USP15: variants seen among roughly 807,000 people sequenced by gnomAD.
USP15 encodes the protein ubiquitin specific peptidase 15.
In USP15, 18 loss-of-function variants were observed where a neutral mutation model predicts 127.1. The ratio of observed to expected loss-of-function variants is 0.14; its 90% CI spans 0.10 to 0.21. The LOEUF (loss-of-function observed/expected upper bound fraction) is 0.21. Among genes scored for constraint, USP15 ranks in the 10% least tolerant of loss-of-function variants. The pLI is 1.00. For missense variants in USP15, 805 were observed against 1,159.9 expected (o/e 0.69, Z 4.44); for synonymous variants, 364 against 393.7 (o/e 0.92, Z 0.89).
At chr12:62,322,450 A>G (rs913005559) in intron 5 of USP15, among the ~76,000 whole-genome samples, 2 of 151,952 alleles carry the variant, frequency 1.3e-5, no homozygotes, top group African/African-American at 4.8e-5. Flanking sequence ...TTTTTTTAAT[A>G]AAGTATTGAG....
intron 8 of USP15, among the ~76,000 whole-genome samples, chr12:62,380,107 T>A (rs1434343398): frequency 6.6e-6 from 1 of 152,060 alleles, no homozygotes; most frequent in East Asian, 1.9e-4. Flanking sequence ...ACATTTTAGC[T>A]GTTTTTATTA....
rs536310633 is a variant in USP15 at position 62,339,232 on chromosome 12, G to A, written c.684-9989G>A. ...ATAGGAATGCTTGTGATTTTTGCAC[G>A]TTGATTTTGTATCCTGAGATTTTGC... On this transcript the variant is annotated intron_variant, in intron 6 of 21. Transcript: ENST00000280377. Among the ~76,000 whole-genome samples, 9 of 152,098 alleles carry A rather than the reference G, an allele frequency of 5.9e-5. No homozygotes were observed. The South Asian group carries it at 1.0e-3, about 18-fold the overall frequency.
At chr12:62,303,617 C>T (rs537846245) in intron 3 of USP15, 9 of 151,832 alleles carry the variant, frequency 5.9e-5, no homozygotes, top group South Asian at 2.1e-4. Flanking sequence ...CCCCATCCCC[C>T]GCCACATAGA....
intron 6 of USP15, among the ~76,000 whole-genome samples, chr12:62,342,709 G>A (rs995581520): frequency 8.5e-5 from 13 of 152,106 alleles, no homozygotes; most frequent in Admixed American, 2.0e-4. Context: ...GACCCTGTTC[G>A]CCTGGTTATC....
intron 1 of USP15, chr12:62,267,175 C>T (rs1417194038): frequency 1.3e-5 from 2 of 152,156 alleles, no homozygotes; most frequent in African/African-American, 4.8e-5. Context: ...TCACTTACCA[C>T]TGTAATTCAC....
At chr12:62,366,439 G>A (rs1565890138) in intron 8 of USP15, among the ~76,000 whole-genome samples, 3 of 152,188 alleles carry the variant, frequency 2.0e-5, no homozygotes, top group African/African-American at 4.8e-5. Context: ...ATCAGGTTAA[G>A]GAGATTTAGG....
Position 62,349,493 on chromosome 12 carries a change from A to C in USP15, c.770+186A>C, listed in dbSNP as rs149636995. ...AAGCAATTAAATTGCTTCTTGATTTAATACATATACTGAAAGAAATAAAAC... is the reference window on the plus strand; with the variant it reads ...AAGCAATTAAATTGCTTCTTGATTTCATACATATACTGAAAGAAATAAAAC... On this transcript the variant is annotated intron_variant, in intron 7 of 21. Transcript: ENST00000280377. 1.2e-4 allele frequency among the ~76,000 whole-genome samples: 19 copies of C among 152,204 alleles called. 1 individual carries two copies. Among genetic ancestry groups the C allele is most frequent in the African/African-American group, 4.1e-4 (17 of 41,586 alleles).
At chr12:62,298,768 G>T (rs1355537121) in intron 2 of USP15, among the ~76,000 whole-genome samples, 2 of 142,908 alleles carry the variant, frequency 1.4e-5, no homozygotes, top group African/African-American at 2.6e-5. Context: ...GACAGAGGTT[G>T]TATGGAGCCG....
chr12:62,373,951 T>C (rs76518577), intron 8 of USP15, among the ~76,000 whole-genome samples: 11 of 152,116 alleles, frequency 7.2e-5, no homozygotes, highest in African/African-American at 2.6e-4. Flanking sequence ...CCTCAAACTT[T>C]GCTGTGTTAT....
At chr12:62,303,422 GT>G (rs1188944892) in intron 3 of USP15, 4 of 151,864 alleles carry the variant, frequency 2.6e-5, no homozygotes, top group African/African-American at 9.7e-5. Context: ...AACCAATTTC[GT>G]TTTTTTAGGG....
In USP15 at chr12:62,410,296, C is replaced by T. The variant is rs2068007141; in HGVS notation, c.*5921C>T. 1 of 151,962 alleles carries T rather than the reference C, an allele frequency of 6.6e-6. No individual in the cohort carries two copies. Among genetic ancestry groups the T allele is most frequent in the Non-Finnish European group, 1.5e-5 (1 of 67,998 alleles). The allele number at this position is 151,962 out of a possible 1,614,324, so 9.4% of individuals were successfully genotyped here. A position where few individuals can be genotyped will look rare whatever the true frequency, so the allele number is the denominator to read the frequency against. On this transcript the variant is annotated 3_prime_UTR_variant, in exon 22 of 22. Coordinates refer to ENST00000280377, the MANE Select transcript of USP15 (RefSeq NM_001252078.2). ...ACCAAGGATTATCTATTTGTAATCA[C>T]ATTGTGGTGAATTATCAGTCTCCCA...
At chr12:62,287,333 T>C (rs912635237) in intron 1 of USP15, among the ~76,000 whole-genome samples, 1 of 152,176 alleles carries the variant, frequency 6.6e-6, no homozygotes, top group Non-Finnish European at 1.5e-5. Context: ...AAAATAAAAT[T>C]TAAAATTTTT....
Position 62,410,500 on chromosome 12 carries a change from A to G in USP15, c.*6125A>G, listed in dbSNP as rs1180353211. On this transcript the variant is annotated 3_prime_UTR_variant, in exon 22 of 22. Coordinates refer to ENST00000280377, the MANE Select transcript of USP15 (RefSeq NM_001252078.2). Reference sequence around the variant, plus strand: ...TTTTTAATTTCTAGAACTCAGAGCTATATTCACTTTTGAGCTATGTACCTA... The same window carrying G: ...TTTTTAATTTCTAGAACTCAGAGCTGTATTCACTTTTGAGCTATGTACCTA... 6.6e-6 allele frequency: 1 copy of G among 152,174 alleles called. No homozygotes were observed. The highest frequency in any genetic ancestry group is 2.4e-5 in the African/African-American group (1 of 41,442). 9.4% of individuals were successfully genotyped at this position (152,174 alleles called of 1,614,324 possible).
chr12:62,392,951 C>G (rs2067370583), intron 18 of USP15, 102 bp from the exon 19 acceptor site: 1 of 1,340,590 alleles, frequency 7.5e-7, no homozygotes, highest in African/African-American at 1.5e-5. Flanking sequence ...TAATTGCCCA[C>G]TGAATAAATG....
At chr12:62,274,697 CAAAG>C (rs970205813) in intron 1 of USP15, among the ~76,000 whole-genome samples, 46 of 152,116 alleles carry the variant, frequency 3.0e-4, no homozygotes, top group African/African-American at 1.1e-3. Context: ...TACCCTGTCT[CAAAG>C]GAAGGAGGGA....
At chr12:62,403,111 G>A (rs1442259678) in intron 21 of USP15, among the ~76,000 whole-genome samples, 1 of 152,086 alleles carries the variant, frequency 6.6e-6, no homozygotes, top group Admixed American at 6.6e-5. Context: ...ATGCCTGTAT[G>A]ATAGCTGTGT....
At position 62,404,250 on chromosome 12, in the gene USP15, T is replaced by G. The variant is rs2067792531; in HGVS notation, c.2821T>G (p.Phe941Val). The G allele has an allele frequency of 5.0e-6, 8 of 1,613,236 alleles. No homozygotes were observed. The highest frequency in any genetic ancestry group is 5.1e-6 in the Non-Finnish European group (6 of 1,179,428). The change falls in exon 22 of 22, where the codon TTT becomes GTT. Residue 941 changes from phenylalanine to valine, a missense_variant. Phe to Val is a conservative substitution (Grantham distance 50, BLOSUM62 -1). Coordinates refer to ENST00000280377, the MANE Select transcript of USP15 (RefSeq NM_001252078.2). The stretch of plus-strand genomic sequence containing the variant: ...ACAAGACACTTTCAGTGGAACTGGC[T>G]TTTTTCCTCTTGACCGAGAAACTAA... ...QRQDTFSGTG[F>V]FPLDRETKGA...
rs776010074 is a variant in USP15, at chr12:62,350,020, ATTTTT to A, written c.770+718_770+722del. Among the ~76,000 whole-genome samples, 4 of 150,386 alleles carry A rather than the reference ATTTTT, an allele frequency of 2.7e-5. No individual in the cohort carries two copies. In the East Asian group the frequency reaches 7.7e-4, roughly 29 times the overall value. ...TTGATCTAGAGATGATTATCCTTTT[ATTTTT>A]TTTTGACATGTATAGTGCCTTTTAT... On this transcript the variant is annotated intron_variant, in intron 7 of 21. Transcript: ENST00000280377.
intron 20 of USP15, among the ~76,000 whole-genome samples, chr12:62,397,879 T>G (rs1468257460): frequency 6.6e-6 from 1 of 151,900 alleles, no homozygotes; most frequent in Non-Finnish European, 1.5e-5. Flanking sequence ...AGTATCAGTC[T>G]TCCCAGATTT....
Sources: allele counts gnomAD v4.1 joint callset (sites outside exome capture counted in the v4.1 genomes callset), GRCh38; gene constraint gnomAD v4.1.1; transcripts MANE v1.5; gene names NCBI Gene and HGNC (gene_info 2026-07-23, HGNC 2026-07-21).